Variants in CAPZA2 observed in about 807,000 individuals in gnomAD.
The protein encoded by CAPZA2 is capping actin protein of muscle Z-line subunit alpha 2.
CAPZA2 carries 13 observed loss-of-function variants against 44.0 expected under a neutral mutation model. The observed-to-expected ratio is 0.30, with a 90% confidence interval of 0.19 to 0.47. CAPZA2 has a LOEUF of 0.47. Among genes scored for constraint, CAPZA2 ranks in the 20% least tolerant of loss-of-function variants. The pLI, the probability that CAPZA2 is intolerant of heterozygous loss-of-function variation, is 1.00. For synonymous variants in CAPZA2, 94 were observed against 108.2 expected (o/e 0.87, Z 0.81); for missense variants, 244 against 338.6 (o/e 0.72, Z 2.19).
chr7:116,869,891 A>T (rs1361611336), intron 1 of CAPZA2, among the ~76,000 whole-genome samples: 1 of 151,992 alleles, frequency 6.6e-6, no homozygotes, highest in Non-Finnish European at 1.5e-5. Context: ...TTTTTTTGAG[A>T]CGGAGTGTTA....
At chr7:116,897,716 T>G (rs1473594991) in intron 3 of CAPZA2, among the ~76,000 whole-genome samples, 2 of 152,168 alleles carry the variant, frequency 1.3e-5, no homozygotes, top group African/African-American at 4.8e-5. Flanking sequence ...CTTGAGAATT[T>G]TTTCTATACA....
Position 116,898,752 on chromosome 7 carries a change from T to C in CAPZA2, c.156-20T>C, listed in dbSNP as rs1562961547. 1 of 1,505,322 alleles carries C rather than the reference T, an allele frequency of 6.6e-7. No individual in the cohort carries two copies. The highest frequency in any genetic ancestry group is 1.2e-5 in the South Asian group (1 of 81,158). The allele number at this position is 1,505,322 out of a possible 1,614,324, so 93.2% of individuals were successfully genotyped here. ...CATTAAATATATAATTTTAAGTAATTGCCATTTTCTTTTTTTTAGTGCATT... is the reference window on the plus strand; with the variant it reads ...CATTAAATATATAATTTTAAGTAATCGCCATTTTCTTTTTTTTAGTGCATT... On this transcript the variant is annotated intron_variant, in intron 3 of 9. Transcript: ENST00000361183.
chr7:116,898,888 C>A (rs1796959860), intron 4 of CAPZA2, 53 bp downstream of exon 4: 3 of 1,066,358 alleles, frequency 2.8e-6, no homozygotes, highest in East Asian at 2.4e-5. Flanking sequence ...GTTAAGGTAT[C>A]CTGCAAGAGC....
chr7:116,906,147 G>GT (rs1791503131), intron 5 of CAPZA2, 116 bp from the exon 6 acceptor site: 1 of 1,426,890 alleles, frequency 7.0e-7, no homozygotes, highest in Non-Finnish European at 9.2e-7. Context: ...GGCCTACTTT[G>GT]TATTTTATGT....
At chr7:116,903,233 AGTGTGTGT>A (rs71148342) in intron 4 of CAPZA2, among the ~76,000 whole-genome samples, 1,781 of 146,430 alleles carry the variant, frequency 0.012, 40 homozygotes, top group African/African-American at 0.041. Flanking sequence ...TGCAGAGAAG[AGTGTGTGT>A]GTGTGTGTGT....
chr7:116,884,519 A>C (rs1024398523), intron 1 of CAPZA2, among the ~76,000 whole-genome samples: 4 of 152,160 alleles, frequency 2.6e-5, no homozygotes, highest in Admixed American at 2.6e-4. Context: ...TAGAGTTACT[A>C]TGTAACCTTT....
rs201926723 is a variant in CAPZA2 at position 116,865,174 on chromosome 7, C to CTTTTTTTTTTTT, written c.39+2526_39+2527insTTTTTTTTTTTT. On this transcript the variant is annotated intron_variant, in intron 1 of 9. Coordinates refer to ENST00000361183, the MANE Select transcript of CAPZA2 (RefSeq NM_006136.3). ...ATGTTCTTGTGACATTATGCGCTCT[C>CTTTTTTTTTTTT]TTCTTTTTTTTTTTTTTTTTTTTTT... Among the ~76,000 whole-genome samples, 3 of 122,086 alleles carry CTTTTTTTTTTTT rather than the reference C, an allele frequency of 2.5e-5. 1 individual carries two copies. Among genetic ancestry groups the CTTTTTTTTTTTT allele is most frequent in the African/African-American group, 1.0e-4 (3 of 30,004 alleles). 80.1% of individuals were successfully genotyped at this position (122,086 alleles called of 152,430 possible).
At chr7:116,917,246 TTTTATTTA>T (rs1030260811) in intron 9 of CAPZA2, among the ~76,000 whole-genome samples, 3 of 151,938 alleles carry the variant, frequency 2.0e-5, no homozygotes, top group African/African-American at 7.2e-5. Context: ...GCTGCTTTTA[TTTTATTTA>T]TTTATTTATT....
intron 3 of CAPZA2, among the ~76,000 whole-genome samples, chr7:116,898,241 A>T (rs1019586833): frequency 7.3e-5 from 11 of 150,142 alleles, no homozygotes; most frequent in African/African-American, 2.4e-4. Flanking sequence ...TTCTCTTCTC[A>T]CTGTTGCCTC....
Position 116,916,272 on chromosome 7 carries a change from A to G in CAPZA2, c.720+150A>G, listed in dbSNP as rs1791677854. On this transcript the variant is annotated intron_variant, in intron 9 of 9. Transcript: ENST00000361183. ...CTTTTAACACAAAGGCAGACTTACT[A>G]ATGTGTAGGCAAAAAGAGTGGCAAG... is the stretch of plus-strand genomic sequence containing the variant. The G allele has an allele frequency of 5.5e-6, 4 of 726,220 alleles. No individual in the cohort carries two copies. In the South Asian group the frequency reaches 8.7e-5, roughly 16 times the overall value. 45.0% of individuals were successfully genotyped at this position (726,220 alleles called of 1,614,324 possible). A position where few individuals can be genotyped will look rare whatever the true frequency, so the allele number is the denominator to read the frequency against.
intron 1 of CAPZA2, chr7:116,874,783 TTCTC>T (rs1309741073): frequency 6.6e-6 from 1 of 152,280 alleles, no homozygotes; most frequent in Non-Finnish European, 1.5e-5. Flanking sequence ...GACTGGGGAA[TTCTC>T]TCTAAGAATA....
At chr7:116,880,552 C>T (rs574027475) in intron 1 of CAPZA2, among the ~76,000 whole-genome samples, 16 of 151,870 alleles carry the variant, frequency 1.1e-4, no homozygotes, top group Middle Eastern at 3.4e-3. Context: ...CACCTGCCAC[C>T]GTGCCCAGCT....
chr7:116,912,263 A>G (rs1225183396), intron 8 of CAPZA2, 123 bp downstream of exon 8: 12 of 1,436,232 alleles, frequency 8.4e-6, no homozygotes, highest in South Asian at 1.4e-5. Flanking sequence ...TAGATTAAAG[A>G]TAAGTAATTG....
At chr7:116,865,281 G>A (rs1009069727) in intron 1 of CAPZA2, among the ~76,000 whole-genome samples, 2 of 149,900 alleles carry the variant, frequency 1.3e-5, no homozygotes, top group Admixed American at 1.3e-4. Context: ...TGCCTCCGGG[G>A]CTGAAGCGAT....
intron 2 of CAPZA2, among the ~76,000 whole-genome samples, chr7:116,889,645 G>C (rs916769868): frequency 2.4e-4 from 36 of 151,654 alleles, no homozygotes; most frequent in Non-Finnish European, 1.8e-4. Flanking sequence ...GGCAAAAGTT[G>C]TATAAAGTTA....
chr7:116,865,859 G>C (rs1481451614), intron 1 of CAPZA2, among the ~76,000 whole-genome samples: 1 of 152,170 alleles, frequency 6.6e-6, no homozygotes, highest in Admixed American at 6.5e-5. Flanking sequence ...GGGATTACGG[G>C]CATGAGCCAT....
At chr7:116,917,379 C>T (rs977113648) in intron 9 of CAPZA2, among the ~76,000 whole-genome samples, 6 of 152,136 alleles carry the variant, frequency 3.9e-5, no homozygotes, top group African/African-American at 9.7e-5. Context: ...CTCAGCTTCC[C>T]GAGTAGCCGG....
At chr7:116,908,659 A>G (rs1791547592) in intron 6 of CAPZA2, among the ~76,000 whole-genome samples, 1 of 152,100 alleles carries the variant, frequency 6.6e-6, no homozygotes, top group South Asian at 2.1e-4. Context: ...TTCATAATCA[A>G]TGGTTATATA....
chr7:116,894,738 T>G (rs1457060772), intron 3 of CAPZA2, among the ~76,000 whole-genome samples: 1 of 152,208 alleles, frequency 6.6e-6, no homozygotes, highest in East Asian at 1.9e-4. Flanking sequence ...CTCTTATAAG[T>G]AGAATCTTAT....
Sources: allele counts gnomAD v4.1 joint callset (sites outside exome capture counted in the v4.1 genomes callset), GRCh38; gene constraint gnomAD v4.1.1; transcripts MANE v1.5; gene names NCBI Gene and HGNC (gene_info 2026-07-23, HGNC 2026-07-21).